MYH10: variants seen among roughly 807,000 people sequenced by gnomAD.
MYH10 encodes myosin-10.
MYH10 carries 55 observed loss-of-function variants against 257.8 expected under a neutral mutation model. That is an observed-to-expected ratio of 0.21 (90% CI 0.17 to 0.27). MYH10 has a LOEUF of 0.27. MYH10 is among the 10% of genes least tolerant of loss of function. The pLI is 1.00. For synonymous variants in MYH10, 854 were observed against 921.7 expected, an observed-to-expected ratio of 0.93 and a Z score of 1.33; for missense variants, 1,631 against 2,500.6, an observed-to-expected ratio of 0.65 and a Z score of 7.42.
rs771681712 is a variant in MYH10, at chr17:8,492,769, G to A, written c.4458+7C>T. 5.6e-6 allele frequency: 9 copies of A among 1,612,036 alleles called. No individual in the cohort carries two copies. The highest frequency in any genetic ancestry group is 4.0e-5 in the African/African-American group (3 of 74,732). On this transcript the variant is annotated splice_region_variant and intron_variant, in intron 33 of 42. Coordinates refer to ENST00000360416, the MANE Select transcript of MYH10 (RefSeq NM_001256012.3). ...TGCCAGGAGGAAACGACACGTGGCC[G>A]ACCCACCTGGTCAAACTTCTTCTGC...
rs1396672828 is a variant in MYH10, at chr17:8,486,734, CT to C, written c.5046+698del. Among the ~76,000 whole-genome samples the C allele has an allele frequency of 3.8e-5, 5 of 130,246 alleles. 1 individual carries two copies. Among genetic ancestry groups the C allele is most frequent in the Middle Eastern group, 7.6e-3 (2 of 262 alleles). 85.4% of individuals were successfully genotyped at this position (130,246 alleles called of 152,430 possible). A position where few individuals can be genotyped will look rare whatever the true frequency, so the allele number is the denominator to read the frequency against. ...TCAAACCGTCCTACACCATATTTTC[CT>C]TTATTCATTTAAGTCTGGCCATCAT... On this transcript the variant is annotated intron_variant, in intron 36 of 42. Coordinates refer to ENST00000360416, the MANE Select transcript of MYH10 (RefSeq NM_001256012.3).
At position 8,535,515 on chromosome 17, in the gene MYH10, A is replaced by T. The variant is rs749887988; in HGVS notation, c.1780-14T>A. ...CTTATAGTCCACCTATCCCGCACCA[A>T]AGCCAAAAGTGGTGAAATGGAGAAC... On this transcript the variant is annotated splice_polypyrimidine_tract_variant and intron_variant, in intron 15 of 42. Transcript: ENST00000360416. The surrounding 1 kb of genome is among the most constrained non-coding windows in gnomAD (Gnocchi z 4.3). 1 of 1,586,436 alleles carries T rather than the reference A, an allele frequency of 6.3e-7. No individual in the cohort carries two copies. Among genetic ancestry groups the T allele is most frequent in the South Asian group, 1.1e-5 (1 of 87,940 alleles).
chr17:8,554,088 A>C lies in MYH10; in HGVS notation c.757-70T>G, dbSNP rs2082717394. 7.6e-6 allele frequency: 8 copies of C among 1,058,590 alleles called. No homozygotes were observed. In the South Asian group the frequency reaches 1.1e-4, roughly 14 times the overall value. 65.6% of individuals were successfully genotyped at this position (1,058,590 alleles called of 1,614,324 possible). A position where few individuals can be genotyped will look rare whatever the true frequency, so the allele number is the denominator to read the frequency against. On this transcript the variant is annotated intron_variant, in intron 7 of 42. Transcript: ENST00000360416. ...TACTGGATATGAACACTAATAAACT[A>C]AGAAGACAACAAGTATCCATGAATT...
chr17:8,492,280 C>A lies in MYH10; in HGVS notation c.4671+17G>T. ...TACTCTCCCGTGCGGAAGTGTGGAGCCCACCAGGCGACTTACGTTTTTTCC... is the reference window on the plus strand; with the variant it reads ...TACTCTCCCGTGCGGAAGTGTGGAGACCACCAGGCGACTTACGTTTTTTCC... On this transcript the variant is annotated intron_variant, in intron 34 of 42. Transcript: ENST00000360416. 1 of 1,608,276 alleles carries A rather than the reference C, an allele frequency of 6.2e-7. No individual in the cohort carries two copies.
chr17:8,622,512 C>T (rs1427679276), intron 2 of MYH10, among the ~76,000 whole-genome samples: 1 of 152,224 alleles, frequency 6.6e-6, no homozygotes, highest in Non-Finnish European at 1.5e-5. Context: ...TACAGCCCCT[C>T]CACTTTACTC....
At chr17:8,530,779 GA>G (rs1314114608) in intron 16 of MYH10, 94 bp from the exon 17 acceptor site, 2 of 950,480 alleles carry the variant, frequency 2.1e-6, no homozygotes, top group Non-Finnish European at 3.1e-6. Context: ...AGTCAACTTT[GA>G]AATCGGGCTA....
intron 29 of MYH10, 58 bp from the exon 30 acceptor site, chr17:8,499,534 G>A (rs1917190621): frequency 3.9e-6 from 6 of 1,543,936 alleles, no homozygotes; most frequent in Admixed American, 3.4e-5. Context: ...TCCATACAGA[G>A]GACTGCTTTT....
chr17:8,548,801 T>C lies in MYH10; in HGVS notation c.920-14A>G, dbSNP rs933391132. On this transcript the variant is annotated splice_polypyrimidine_tract_variant and intron_variant, in intron 9 of 42. Coordinates refer to ENST00000360416, the MANE Select transcript of MYH10 (RefSeq NM_001256012.3). The stretch of plus-strand genomic sequence containing the variant: ...GAAGCAAATCAGCTAAAAGGAAATA[T>C]AATGGAAGAAAATTTGATAAATACT... The C allele has an allele frequency of 1.9e-6, 3 of 1,600,312 alleles. No individual in the cohort carries two copies. The highest frequency in any genetic ancestry group is 1.3e-5 in the African/African-American group (1 of 74,612).
At chr17:8,494,780 C>T (rs549347206) in intron 31 of MYH10, among the ~76,000 whole-genome samples, 29 of 152,326 alleles carry the variant, frequency 1.9e-4, no homozygotes, top group Middle Eastern at 6.8e-3. Flanking sequence ...CAGGTCAGCA[C>T]GATGAAATTC....
intron 16 of MYH10, 92 bp from the exon 17 acceptor site, chr17:8,530,777 T>C (rs1042375856): frequency 2.1e-6 from 2 of 972,868 alleles, no homozygotes; most frequent in Non-Finnish European, 3.1e-6. Flanking sequence ...CAAGTCAACT[T>C]TGAAATCGGG....
intron 42 of MYH10, 143 bp from the exon 43 acceptor site, chr17:8,476,091 G>T: frequency 1.0e-6 from 1 of 966,134 alleles, no homozygotes; most frequent in Non-Finnish European, 1.5e-6. Context: ...GCGGTACGAT[G>T]GGGAAGGACT....
chr17:8,626,822 T>C (rs2152114579), intron 1 of MYH10, among the ~76,000 whole-genome samples: 1 of 152,150 alleles, frequency 6.6e-6, no homozygotes, highest in East Asian at 1.9e-4. Context: ...ACAGAGCACT[T>C]AGGAAACTGT....
In MYH10 at chr17:8,487,467, C is replaced by T. The variant is rs201999754; in HGVS notation, c.5012G>A (p.Arg1671Gln). The T allele has an allele frequency of 1.3e-5, 21 of 1,614,076 alleles. No individual in the cohort carries two copies. Among genetic ancestry groups the T allele is most frequent in the Non-Finnish European group, 1.5e-5 (18 of 1,180,042 alleles). ...GCGGAGCTGCTTAATCACCTCATCCCGAGCTTTGTTCGCAGCCTCGATTTG... is the reference window on the plus strand; with the variant it reads ...GCGGAGCTGCTTAATCACCTCATCCTGAGCTTTGTTCGCAGCCTCGATTTG... The part of the protein sequence containing the change: ...EAQIEAANKA[R>Q]DEVIKQLRKL... The change falls in exon 36 of 43, where the codon CGG becomes CAG. Residue 1671 changes from arginine (R) to glutamine (Q), a missense_variant. By Grantham distance (43) the Arg-to-Gln change is conservative. Around this residue, in one of 11 missense-constraint regions of MYH10, gnomAD observed 463 missense variants for 621.8 expected, o/e 0.74. Transcript: ENST00000360416.
In MYH10 at chr17:8,521,128, G is replaced by A. The variant is rs769503692; in HGVS notation, c.2115C>T (p.Asn705=). The change falls in exon 18 of 43, where the codon AAC becomes AAT. Residue 705 remains asparagine, a synonymous_variant. Transcript: ENST00000360416. ...LMATLRNTNP[N]FVRCIIPNHE... ...GATTTGGAATGATACAACGAACAAA[G>A]TTAGGGTTGGTGTTTCGGAGAGTTG... 1 of 1,614,232 alleles carries A rather than the reference G, an allele frequency of 6.2e-7. No individual in the cohort carries two copies. Among genetic ancestry groups the A allele is most frequent in the Non-Finnish European group, 8.5e-7 (1 of 1,180,036 alleles).
chr17:8,621,721 G>A (rs2085474877), intron 2 of MYH10, among the ~76,000 whole-genome samples: 1 of 152,086 alleles, frequency 6.6e-6, no homozygotes, highest in South Asian at 2.1e-4. Context: ...ATCAGGCTTG[G>A]TTGAAACTAC....
chr17:8,585,203 T>C lies in MYH10; in HGVS notation c.530+3878A>G, dbSNP rs1354918541. Among the ~76,000 whole-genome samples the C allele has an allele frequency of 6.8e-5, 9 of 133,074 alleles. No individual in the cohort carries two copies. In the East Asian group the frequency reaches 2.0e-3, roughly 29 times the overall value. The allele number at this position is 133,074 out of a possible 152,430, so 87.3% of individuals were successfully genotyped here. ...TGTGTGTGTGTGTATATTATATATA[T>C]ATATGTGTGTGTGTGTACATATATG... On this transcript the variant is annotated intron_variant, in intron 4 of 42. Transcript: ENST00000360416.
intron 4 of MYH10, among the ~76,000 whole-genome samples, chr17:8,585,712 A>G (rs1490877897): frequency 2.0e-5 from 3 of 152,158 alleles, no homozygotes; most frequent in Admixed American, 1.3e-4. Context: ...ACGGGGGGAC[A>G]GGAGAAGGAA....
rs1567778663 is a variant in MYH10 at position 8,486,560 on chromosome 17, A to AGCATATGG, written c.5046+872_5046+873insCCATATGC. 3.3e-3 allele frequency among the ~76,000 whole-genome samples: 9 copies of AGCATATGG among 2,746 alleles called. 1 individual carries two copies. The highest frequency in any genetic ancestry group is 0.017 in the Admixed American group (1 of 58). 1.8% of individuals were successfully genotyped at this position (2,746 alleles called of 152,430 possible). ...TTTAGCTTCAAAAAAAAAAAAAAAA[A>AGCATATGG]AAAAAAAAAAAAAAAAAAAATGGAA... On this transcript the variant is annotated intron_variant, in intron 36 of 42. Transcript: ENST00000360416.
chr17:8,576,964 G>A (rs1472404298), intron 5 of MYH10, among the ~76,000 whole-genome samples: 7 of 152,192 alleles, frequency 4.6e-5, no homozygotes, highest in Non-Finnish European at 7.3e-5. Flanking sequence ...AAGAACTGCT[G>A]AACAATTCTC....
Sources: allele counts gnomAD v4.1 joint callset (sites outside exome capture counted in the v4.1 genomes callset), GRCh38; gene constraint gnomAD v4.1.1; regional missense constraint gnomAD v4.1.1; non-coding constraint Gnocchi (gnomAD v3.1); transcripts MANE v1.5; gene names NCBI Gene and HGNC (gene_info 2026-07-23, HGNC 2026-07-21).